Variants in CRK observed in about 807,000 individuals in gnomAD.
CRK encodes the protein CRK proto-oncogene, adaptor protein, also known as adapter molecule crk.
A neutral mutation model predicts 29.8 loss-of-function variants in CRK; 4 were observed. The ratio of observed to expected loss-of-function variants is 0.13; its 90% CI spans 0.07 to 0.31. The LOEUF (loss-of-function observed/expected upper bound fraction) is 0.31, where lower values mean the gene tolerates loss of function less well. Ranked by LOEUF, CRK falls within the 10% of genes least tolerant of loss-of-function variation. The pLI, the probability that CRK is intolerant of heterozygous loss-of-function variation, is 1.00. For missense variants in CRK, 274 were observed against 396.5 expected (o/e 0.69, Z 2.62); for synonymous variants, 153 against 164.9 (o/e 0.93, Z 0.55).
intron 1 of CRK, among the ~76,000 whole-genome samples, chr17:1,443,227 C>T (rs988585580): frequency 2.0e-5 from 3 of 152,000 alleles, no homozygotes; most frequent in African/African-American, 4.8e-5. Flanking sequence ...GTGATCCCAC[C>T]GACTTCAGCC....
intron 2 of CRK, among the ~76,000 whole-genome samples, chr17:1,427,721 C>G (rs1447678529): frequency 1.3e-5 from 2 of 151,680 alleles, no homozygotes; most frequent in Non-Finnish European, 2.9e-5. Context: ...CCTCCACCTG[C>G]CAGGTTCAAA....
At position 1,423,539 on chromosome 17, in the gene CRK, G is replaced by C; in HGVS notation, c.889C>G (p.Gln297Glu). The C allele has an allele frequency of 1.2e-6, 2 of 1,613,972 alleles. No homozygotes were observed. Among genetic ancestry groups the C allele is most frequent in the Non-Finnish European group, 8.5e-7 (1 of 1,180,014 alleles). The change falls in exon 3 of 3, where the codon CAG becomes GAG. Residue 297 changes from glutamine to glutamate, a missense_variant. Physicochemically the swap from Gln to Glu is conservative, Grantham distance 29. Coordinates refer to ENST00000300574, the MANE Select transcript of CRK (RefSeq NM_016823.4). Reference protein sequence around the residue: ...PFTHVRLLDQQNPDEDFS With the variant: ...PFTHVRLLDQENPDEDFS ...CAGCTGAAGTCCTCATCGGGATTCT[G>C]TTGATCCAGCAGACGGACATGTGTG...
intron 2 of CRK, among the ~76,000 whole-genome samples, chr17:1,433,276 TCCCTACTACCAA>T (rs2073860557): frequency 6.6e-6 from 1 of 152,084 alleles, no homozygotes; most frequent in African/African-American, 2.4e-5. Flanking sequence ...CTTTTCTAGG[TCCCTACTACCAA>T]CCAGCAGCAC....
intron 1 of CRK, among the ~76,000 whole-genome samples, chr17:1,448,982 C>T (rs145588050): frequency 0.014 from 2,084 of 152,184 alleles, 43 homozygotes; most frequent in African/African-American, 0.047. Context: ...TGAGCTATGA[C>T]GGAGCCACTG....
chr17:1,423,362 T>C lies in CRK; in HGVS notation c.*151A>G, dbSNP rs61762271. The C allele has an allele frequency of 5.4e-6, 5 of 928,634 alleles. No individual in the cohort carries two copies. The highest frequency in any genetic ancestry group is 7.9e-6 in the Non-Finnish European group (5 of 635,846). 57.5% of individuals were successfully genotyped at this position (928,634 alleles called of 1,614,324 possible). ...TGAATATGGTAATTAAGACTAGGAA[T>C]GGAGCAGTTCAGTCTAAAAAATATC... On this transcript the variant is annotated 3_prime_UTR_variant, in exon 3 of 3. Transcript: ENST00000300574.
At position 1,437,070 on chromosome 17, in the gene CRK, C is replaced by T. The variant is rs1264247722; in HGVS notation, c.327G>A (p.Leu109=). The T allele has an allele frequency of 8.7e-6, 14 of 1,613,988 alleles. No individual in the cohort carries two copies. Among genetic ancestry groups the T allele is most frequent in the African/African-American group, 1.3e-5 (1 of 74,904 alleles). ...ALLEFYKIHY[L]DTTTLIEPVS... Reference sequence around the variant, plus strand: ...CTGGTTCTATCAACGTTGTAGTGTCCAAATAGTGTATTTTGTAGAATTCCA... The same window carrying T: ...CTGGTTCTATCAACGTTGTAGTGTCTAAATAGTGTATTTTGTAGAATTCCA... The change falls in exon 2 of 3, where the codon TTG becomes TTA. Residue 109 remains leucine (L), a synonymous_variant. Transcript: ENST00000300574.
At chr17:1,449,415 G>C (rs1051002426) in intron 1 of CRK, among the ~76,000 whole-genome samples, 1 of 152,164 alleles carries the variant, frequency 6.6e-6, no homozygotes, top group Non-Finnish European at 1.5e-5. Flanking sequence ...TCGTATACAT[G>C]AAATGCTTAT....
chr17:1,440,708 C>T (rs903257585), intron 1 of CRK, among the ~76,000 whole-genome samples: 13 of 152,150 alleles, frequency 8.5e-5, no homozygotes, highest in East Asian at 1.9e-4. Context: ...GACAGGAGAG[C>T]GAGACTTCGT....
rs553639090 is a variant in CRK, at chr17:1,420,973, G to A, written c.*2540C>T. On this transcript the variant is annotated 3_prime_UTR_variant, in exon 3 of 3. Coordinates refer to ENST00000300574, the MANE Select transcript of CRK (RefSeq NM_016823.4). ...ATAAACAATTCCAACAAATTAATAA[G>A]AATTAACCATGTCAAATATTAGTAT... The A allele has an allele frequency of 6.6e-6, 1 of 152,024 alleles. No individual in the cohort carries two copies. Among genetic ancestry groups the A allele is most frequent in the African/African-American group, 2.4e-5 (1 of 41,394 alleles). 9.4% of individuals were successfully genotyped at this position (152,024 alleles called of 1,614,324 possible). A position where few individuals can be genotyped will look rare whatever the true frequency, so the allele number is the denominator to read the frequency against.
At chr17:1,451,682 C>G (rs2074019523) in intron 1 of CRK, among the ~76,000 whole-genome samples, 1 of 151,890 alleles carries the variant, frequency 6.6e-6, no homozygotes, top group Non-Finnish European at 1.5e-5. Flanking sequence ...TGCCTGTCAA[C>G]AGCCACTGCA....
In CRK at chr17:1,420,888, C is replaced by T. The variant is rs193151207; in HGVS notation, c.*2625G>A. On this transcript the variant is annotated 3_prime_UTR_variant, in exon 3 of 3. Transcript: ENST00000300574. Reference sequence around the variant, plus strand: ...TGGTTTGCTTATCACCTATTTCAAACCATTAACAGTGAAATGTTACTTGTG... The same window carrying T: ...TGGTTTGCTTATCACCTATTTCAAATCATTAACAGTGAAATGTTACTTGTG... The T allele has an allele frequency of 6.6e-6, 1 of 152,118 alleles. No individual in the cohort carries two copies. The highest frequency in any genetic ancestry group is 1.9e-4 in the East Asian group (1 of 5,188). The allele number at this position is 152,118 out of a possible 1,614,324, so 9.4% of individuals were successfully genotyped here.
chr17:1,436,754 C>T lies in CRK; in HGVS notation c.643G>A (p.Gly215Arg). 3.8e-6 allele frequency: 6 copies of T among 1,589,796 alleles called. No individual in the cohort carries two copies. Among genetic ancestry groups the T allele is most frequent in the Non-Finnish European group, 5.1e-6 (6 of 1,170,648 alleles). Reference sequence around the variant, plus strand: ...TGGGCATAGGGCCCAGGCTCCGGCCCACCCAGTGGCTGTGGGTGGGAACCC... The same window carrying T: ...TGGGCATAGGGCCCAGGCTCCGGCCTACCCAGTGGCTGTGGGTGGGAACCC... Reference protein sequence around the residue: ...QEGSHPQPLGGPEPGPYAQPS... With the variant: ...QEGSHPQPLGRPEPGPYAQPS... The change falls in exon 2 of 3, where the codon GGG (glycine) becomes AGG (arginine). Residue 215 changes from glycine (G) to arginine (R), a missense_variant. By Grantham distance (125) the Gly-to-Arg change is moderately radical. Transcript: ENST00000300574.
chr17:1,448,331 A>G (rs960869719), intron 1 of CRK, among the ~76,000 whole-genome samples: 1 of 152,066 alleles, frequency 6.6e-6, no homozygotes. Flanking sequence ...TAAAGTTCCT[A>G]AAGTGGCTAG....
chr17:1,431,987 T>G (rs79938401), intron 2 of CRK, among the ~76,000 whole-genome samples: 1 of 152,212 alleles, frequency 6.6e-6, no homozygotes, highest in Non-Finnish European at 1.5e-5. Flanking sequence ...AAAGACTTCA[T>G]ACAGGACTTG....
At chr17:1,450,641 G>T (rs35316912) in intron 1 of CRK, among the ~76,000 whole-genome samples, 1 of 151,102 alleles carries the variant, frequency 6.6e-6, no homozygotes, top group East Asian at 2.0e-4. Context: ...CCAGCACTTT[G>T]GGGAAGCCGA....
intron 2 of CRK, among the ~76,000 whole-genome samples, chr17:1,431,079 C>CAAACAAAT (rs1324243139): frequency 2.6e-5 from 4 of 151,896 alleles, no homozygotes; most frequent in Non-Finnish European, 2.9e-5. Context: ...AACAAACAAA[C>CAAACAAAT]AAACAAACAA....
rs1450484857 is a variant in CRK, at chr17:1,442,115, C to A, written c.242-4960G>T. 2.6e-5 allele frequency among the ~76,000 whole-genome samples: 4 copies of A among 151,122 alleles called. No individual in the cohort carries two copies. The East Asian group carries it at 7.8e-4, about 29-fold the overall frequency. On this transcript the variant is annotated intron_variant, in intron 1 of 2. Transcript: ENST00000300574. The stretch of plus-strand genomic sequence containing the variant: ...CCAGAGATCCACTTGCCTCTGCCTC[C>A]GAAAGTGCTGGGTTTAGAGGTGTGA...
Position 1,437,166 on chromosome 17 carries a change from C to A in CRK, c.242-11G>T, listed in dbSNP as rs1183906696. The A allele has an allele frequency of 6.3e-7, 1 of 1,578,836 alleles. No homozygotes were observed. Among genetic ancestry groups the A allele is most frequent in the Non-Finnish European group, 8.6e-7 (1 of 1,163,922 alleles). On this transcript the variant is annotated splice_polypyrimidine_tract_variant and intron_variant, in intron 1 of 2. Transcript: ENST00000300574. ...TGGAGGGGCTCACCCCTGGAAAAAA[C>A]AGAGCAGGCTGTTATTTAATGATGT...
intron 2 of CRK, 109 bp downstream of exon 2, chr17:1,436,511 C>T (rs2073887575): frequency 1.6e-6 from 2 of 1,215,810 alleles, no homozygotes; most frequent in Non-Finnish European, 2.2e-6. Flanking sequence ...TAGCGGCTTG[C>T]CATCTACAAC....
Sources: gnomAD v4.1 joint callset for allele counts (sites outside exome capture counted in the v4.1 genomes callset) on GRCh38, gnomAD v4.1.1 for gene constraint, MANE v1.5 for transcripts, NCBI Gene and HGNC (gene_info 2026-07-23, HGNC 2026-07-21) for gene names.